Variants in EPHA6 observed in about 807,000 individuals in gnomAD.
The protein encoded by EPHA6 is ephrin type-A receptor 6.
Under a neutral mutation model 112.0 loss-of-function variants are expected in EPHA6, and 50 were observed. That is an observed-to-expected ratio of 0.45 (90% CI 0.36 to 0.56). EPHA6 has a LOEUF of 0.56. Among genes scored for constraint, EPHA6 ranks in the 20% least tolerant of loss-of-function variants. The probability of loss-of-function intolerance (pLI) is 0.00; values close to 1 mark genes in which losing one functional copy is unlikely to be tolerated. For missense variants in EPHA6, 1,280 were observed against 1,417.4 expected (o/e 0.90, Z 1.56); for synonymous variants, 529 against 490.7 (o/e 1.08, Z -1.03).
intron 2 of EPHA6, among the ~76,000 whole-genome samples, chr3:96,985,254 A>T (rs1379163734): frequency 6.6e-6 from 1 of 152,200 alleles, no homozygotes; most frequent in East Asian, 1.9e-4. Flanking sequence ...TATAGACATT[A>T]ATAATAATGT....
At position 97,448,741 on chromosome 3, in the gene EPHA6, C is replaced by G. The variant is rs76977898; in HGVS notation, c.1894+11C>G. The G allele has an allele frequency of 2.7e-3, 4,288 of 1,612,084 alleles. 92 individuals are homozygous for G. The African/African-American group carries it at 0.045, about 17-fold the overall frequency. The stretch of plus-strand genomic sequence containing the variant: ...AAACAGGAGATGAAAGTAAGTTTCA[C>G]ACAAGGATATAACATAAGATGTGAA... On this transcript the variant is annotated intron_variant, in intron 7 of 17. Coordinates refer to ENST00000389672, the MANE Select transcript of EPHA6 (RefSeq NM_001080448.3).
At chr3:96,997,893 C>A (rs1485708420) in intron 3 of EPHA6, among the ~76,000 whole-genome samples, 1 of 151,980 alleles carries the variant, frequency 6.6e-6, no homozygotes, top group East Asian at 1.9e-4. Flanking sequence ...TTAGAAAATG[C>A]AATATCTGCA....
At chr3:97,695,757 T>A (rs1285382488) in intron 14 of EPHA6, among the ~76,000 whole-genome samples, 1 of 152,174 alleles carries the variant, frequency 6.6e-6, no homozygotes, top group Non-Finnish European at 1.5e-5. Context: ...GCCAGGATAG[T>A]CTCGATCTCT....
intron 11 of EPHA6, 43 bp downstream of exon 11, chr3:97,532,586 C>T: frequency 6.6e-7 from 1 of 1,510,644 alleles, no homozygotes; most frequent in South Asian, 1.3e-5. Flanking sequence ...ACACACCTAT[C>T]TCAGTTTTTT....
At position 97,232,891 on chromosome 3, in the gene EPHA6, G is replaced by A. The variant is rs2078569925; in HGVS notation, c.1270+6472G>A. ...GCACTCGGGAGGGGCCACATGCACAGTATGTTTACTGAAGTTATGCACATG... is the reference window on the plus strand; with the variant it reads ...GCACTCGGGAGGGGCCACATGCACAATATGTTTACTGAAGTTATGCACATG... On this transcript the variant is annotated intron_variant, in intron 4 of 17. Transcript: ENST00000389672. Among the ~76,000 whole-genome samples, 3 of 152,236 alleles carry A rather than the reference G, an allele frequency of 2.0e-5. No individual in the cohort carries two copies. In the South Asian group the frequency reaches 6.2e-4, roughly 32 times the overall value.
chr3:97,347,666 A>G (rs1395371444), intron 5 of EPHA6, among the ~76,000 whole-genome samples: 2 of 152,142 alleles, frequency 1.3e-5, no homozygotes, highest in African/African-American at 4.8e-5. Flanking sequence ...TAAAAGAGCC[A>G]TAATTCTTAG....
intron 14 of EPHA6, among the ~76,000 whole-genome samples, chr3:97,668,344 G>A (rs78030597): frequency 0.026 from 3,998 of 152,122 alleles, 150 homozygotes; most frequent in African/African-American, 0.09. Context: ...CTGAAAAAGC[G>A]TCAAAGAAGC....
intron 3 of EPHA6, among the ~76,000 whole-genome samples, chr3:97,129,376 C>A (rs930289716): frequency 1.3e-5 from 2 of 151,972 alleles, no homozygotes; most frequent in African/African-American, 4.8e-5. Flanking sequence ...GTGGAGGGTG[C>A]CTGTAGTCCC....
intron 10 of EPHA6, among the ~76,000 whole-genome samples, chr3:97,519,902 G>T (rs2092510601): frequency 6.7e-6 from 1 of 150,092 alleles, no homozygotes; most frequent in African/African-American, 2.5e-5. Context: ...GGGTATTTTT[G>T]GATATAAGAT....
chr3:96,874,658 A>G (rs1407748992), intron 2 of EPHA6, among the ~76,000 whole-genome samples: 3 of 152,110 alleles, frequency 2.0e-5, no homozygotes, highest in Non-Finnish European at 2.9e-5. Flanking sequence ...TATTGAGACA[A>G]AGATGGACAC....
At chr3:97,222,027 CA>C (rs1286519110) in intron 3 of EPHA6, among the ~76,000 whole-genome samples, 1,543 of 110,700 alleles carry the variant, frequency 0.014, 13 homozygotes, top group African/African-American at 0.03. Flanking sequence ...GACCCCTTCT[CA>C]AAAAAAAAAA....
chr3:97,190,607 G>C (rs1030731325), intron 3 of EPHA6, among the ~76,000 whole-genome samples: 9 of 151,918 alleles, frequency 5.9e-5, no homozygotes, highest in African/African-American at 1.9e-4. Flanking sequence ...TGTTTTAATT[G>C]ACAAATATAA....
At chr3:97,238,013 G>C (rs944010767) in intron 4 of EPHA6, among the ~76,000 whole-genome samples, 1 of 151,796 alleles carries the variant, frequency 6.6e-6, no homozygotes, top group Non-Finnish European at 1.5e-5. Context: ...TTATTCTATG[G>C]ACTAATATTG....
intron 5 of EPHA6, among the ~76,000 whole-genome samples, chr3:97,381,007 C>G (rs2109019685): frequency 6.6e-6 from 1 of 152,116 alleles, no homozygotes; most frequent in South Asian, 2.1e-4. Flanking sequence ...CCTTTCAAGA[C>G]AGTAGCATTT....
chr3:97,000,287 A>ACACATATATATAGC lies in EPHA6; in HGVS notation c.1114+12298_1114+12299insTATATATAGCCACA, dbSNP rs1553685558. Among the ~76,000 whole-genome samples the ACACATATATATAGC allele has an allele frequency of 9.0e-3, 1,322 of 147,154 alleles. 26 individuals are homozygous for ACACATATATATAGC. The highest frequency in any genetic ancestry group is 0.031 in the African/African-American group (1,204 of 39,172). On this transcript the variant is annotated intron_variant, in intron 3 of 17. Coordinates refer to ENST00000389672, the MANE Select transcript of EPHA6 (RefSeq NM_001080448.3). ...AACACACACACACACACACACACACACACACATATATATAGCCATATATAG... is the reference window on the plus strand; with the variant it reads ...AACACACACACACACACACACACACACACATATATATAGCCACACATATATATAGCCATATATAG...
intron 5 of EPHA6, among the ~76,000 whole-genome samples, chr3:97,249,298 G>A (rs2079067982): frequency 6.6e-6 from 1 of 152,060 alleles, no homozygotes; most frequent in African/African-American, 2.4e-5. Flanking sequence ...AAAGTGCACT[G>A]AATGTTTTAT....
rs1173001148 is a variant in EPHA6, at chr3:97,332,415, A to C, written c.1607-72735A>C. Among the ~76,000 whole-genome samples the C allele has an allele frequency of 2.0e-5, 3 of 152,150 alleles. No homozygotes were observed. In the East Asian group the frequency reaches 5.8e-4, roughly 30 times the overall value. ...GTTGGAAGTTCTGGCCAGGGCAATC[A>C]GGCAGGAGAAGGAAATAAAGGGTAT... On this transcript the variant is annotated intron_variant, in intron 5 of 17. Coordinates refer to ENST00000389672, the MANE Select transcript of EPHA6 (RefSeq NM_001080448.3).
intron 3 of EPHA6, among the ~76,000 whole-genome samples, chr3:96,993,256 T>C (rs2043280999): frequency 6.6e-6 from 1 of 151,968 alleles, no homozygotes; most frequent in African/African-American, 2.4e-5. Context: ...AAATATGTCT[T>C]AATCTGGCCT....
At chr3:97,435,482 T>C (rs2089775874) in intron 6 of EPHA6, among the ~76,000 whole-genome samples, 1 of 152,170 alleles carries the variant, frequency 6.6e-6, no homozygotes, top group Admixed American at 6.5e-5. Context: ...AAATGAGTTT[T>C]TTCAGTTATT....
Sources: gnomAD v4.1 joint callset for allele counts (sites outside exome capture counted in the v4.1 genomes callset) on GRCh38, gnomAD v4.1.1 for gene constraint, MANE v1.5 for transcripts, NCBI Gene and HGNC (gene_info 2026-07-23, HGNC 2026-07-21) for gene names.